ROR1: variants seen among roughly 807,000 people sequenced by gnomAD.
The protein encoded by ROR1 is inactive tyrosine-protein kinase transmembrane receptor ROR1.
In ROR1, 19 loss-of-function variants were observed where a neutral mutation model predicts 78.8. The ratio of observed to expected loss-of-function variants is 0.24; its 90% CI spans 0.17 to 0.35. The LOEUF is 0.35. ROR1 is among the 10% of genes least tolerant of loss of function. The pLI, the probability that ROR1 is intolerant of heterozygous loss-of-function variation, is 1.00. For missense variants in ROR1, 917 were observed against 1,177.8 expected (o/e 0.78, Z 3.24); for synonymous variants, 386 against 433.6 (o/e 0.89, Z 1.36).
At chr1:63,991,548 C>T (rs772938900) in intron 1 of ROR1, among the ~76,000 whole-genome samples, 4 of 152,196 alleles carry the variant, frequency 2.6e-5, no homozygotes, top group East Asian at 3.9e-4. Context: ...TACTTGGTGG[C>T]GTAGAAAAAT....
chr1:64,175,430 T>G (rs1312171217), intron 8 of ROR1, among the ~76,000 whole-genome samples: 2 of 152,166 alleles, frequency 1.3e-5, no homozygotes, highest in African/African-American at 4.8e-5. Context: ...TTTAATATAT[T>G]CTCTATAGGG....
chr1:64,085,109 C>A (rs1031713998), intron 4 of ROR1, among the ~76,000 whole-genome samples: 30 of 152,026 alleles, frequency 2.0e-4, no homozygotes, highest in African/African-American at 6.8e-4. Flanking sequence ...TTTTACAAAC[C>A]TCATAAAAAT....
chr1:63,876,310 T>C (rs996345291), intron 1 of ROR1, among the ~76,000 whole-genome samples: 2 of 152,128 alleles, frequency 1.3e-5, no homozygotes, highest in African/African-American at 4.8e-5. Flanking sequence ...TGTGACTGAT[T>C]TTCCTGGGAC....
intron 4 of ROR1, among the ~76,000 whole-genome samples, chr1:64,131,719 A>G (rs1648918706): frequency 6.6e-6 from 1 of 152,060 alleles, no homozygotes; most frequent in Non-Finnish European, 1.5e-5. Flanking sequence ...GACTCAAGCA[A>G]TCCTCCTGCC....
intron 1 of ROR1, among the ~76,000 whole-genome samples, chr1:63,900,664 A>T (rs1645478095): frequency 6.6e-6 from 1 of 152,090 alleles, no homozygotes; most frequent in Non-Finnish European, 1.5e-5. Flanking sequence ...AACCATAGAG[A>T]AAAAGACACA....
At chr1:63,938,612 C>T (rs1557572204) in intron 1 of ROR1, among the ~76,000 whole-genome samples, 2 of 152,272 alleles carry the variant, frequency 1.3e-5, no homozygotes, top group South Asian at 2.1e-4. Flanking sequence ...ATGAAATCTC[C>T]GTGAAGCCCA....
chr1:64,023,577 A>G (rs1254170723), intron 2 of ROR1, among the ~76,000 whole-genome samples: 1 of 152,188 alleles, frequency 6.6e-6, no homozygotes, highest in African/African-American at 2.4e-5. Flanking sequence ...GCAATATCTA[A>G]ACATATTTAT....
Position 63,796,985 on chromosome 1 carries a change from A to G in ROR1, c.91+22477A>G, listed in dbSNP as rs557665933. On this transcript the variant is annotated intron_variant, in intron 1 of 8. Coordinates refer to ENST00000371079, the MANE Select transcript of ROR1 (RefSeq NM_005012.4). Reference sequence around the variant, plus strand: ...GCTTTGATGAATTGAATAACAATTCATAGTGATTTTTTGATGTTCTATATT... The same window carrying G: ...GCTTTGATGAATTGAATAACAATTCGTAGTGATTTTTTGATGTTCTATATT... Among the ~76,000 whole-genome samples, 163 of 152,300 alleles carry G rather than the reference A, an allele frequency of 1.1e-3. 1 individual carries two copies. The highest frequency in any genetic ancestry group is 3.4e-3 in the African/African-American group (141 of 41,568).
At chr1:63,920,060 CCTGT>C (rs1269659772) in intron 1 of ROR1, among the ~76,000 whole-genome samples, 1 of 152,170 alleles carries the variant, frequency 6.6e-6, no homozygotes, top group Non-Finnish European at 1.5e-5. Flanking sequence ...TCTGTAATCT[CCTGT>C]CTTTCTTTTA....
At chr1:63,901,185 A>G (rs1012746514) in intron 1 of ROR1, among the ~76,000 whole-genome samples, 1 of 152,180 alleles carries the variant, frequency 6.6e-6, no homozygotes, top group Non-Finnish European at 1.5e-5. Flanking sequence ...GACATGGTGC[A>G]TGAGAACAGG....
At position 64,178,991 on chromosome 1, in the gene ROR1, T is replaced by C. The variant is rs1650475142; in HGVS notation, c.*136T>C. 5 of 561,186 alleles carry C rather than the reference T, an allele frequency of 8.9e-6. No individual in the cohort carries two copies. The South Asian group carries it at 1.1e-4, about 12-fold the overall frequency. The allele number at this position is 561,186 out of a possible 1,614,324, so 34.8% of individuals were successfully genotyped here. The stretch of plus-strand genomic sequence containing the variant: ...ACAAGTACCTTCTGTGAAGTTTCAC[T>C]GTGTCTTACCAAGCAGGACAGACAC... On this transcript the variant is annotated 3_prime_UTR_variant, in exon 9 of 9. Transcript: ENST00000371079. The surrounding 1 kb of genome is among the most constrained non-coding windows in gnomAD (Gnocchi z 4.3).
rs575298620 is a variant in ROR1, at chr1:63,774,874, G to A, written c.91+366G>A. On this transcript the variant is annotated intron_variant, in intron 1 of 8. Transcript: ENST00000371079. The surrounding 1 kb of genome is among the most constrained non-coding windows in gnomAD (Gnocchi z 5.7). ...CCTGGACCTCTAGCGCGCCCCAGCC[G>A]GTGTTCAGGCAAGTCTATCCTGCCC... 1.4e-3 allele frequency among the ~76,000 whole-genome samples: 212 copies of A among 152,208 alleles called. No homozygotes were observed. The highest frequency in any genetic ancestry group is 5.0e-3 in the African/African-American group (207 of 41,562).
intron 2 of ROR1, among the ~76,000 whole-genome samples, chr1:64,029,229 T>C (rs1189646586): frequency 6.6e-6 from 1 of 152,194 alleles, no homozygotes; most frequent in African/African-American, 2.4e-5. Context: ...ACCTTGCATA[T>C]ATTATCTCCT....
At chr1:63,975,103 G>A (rs562555469) in intron 1 of ROR1, among the ~76,000 whole-genome samples, 15 of 152,214 alleles carry the variant, frequency 9.9e-5, no homozygotes, top group African/African-American at 3.6e-4. Flanking sequence ...TAGGCAATTG[G>A]CCAGAACTGC....
chr1:63,939,738 G>A (rs933428263), intron 1 of ROR1, among the ~76,000 whole-genome samples: 10 of 152,134 alleles, frequency 6.6e-5, no homozygotes, highest in African/African-American at 2.2e-4. Context: ...AGATTAGAAA[G>A]AATGTCCTTG....
intron 1 of ROR1, 25 bp from the exon 2 acceptor site, chr1:64,009,280 T>A (rs1181591794): frequency 1.3e-6 from 2 of 1,560,050 alleles, no homozygotes; most frequent in Admixed American, 1.7e-5. Flanking sequence ...CTTGTCTTTC[T>A]CCCTTCCCTT....
intron 5 of ROR1, among the ~76,000 whole-genome samples, chr1:64,139,311 C>T (rs1053759296): frequency 6.6e-6 from 1 of 151,576 alleles, no homozygotes; most frequent in Non-Finnish European, 1.5e-5. Context: ...TTGTTTATCC[C>T]AGCGTTTCCC....
chr1:64,108,070 G>C (rs796135570), intron 4 of ROR1, among the ~76,000 whole-genome samples: 1 of 95,534 alleles, frequency 1.0e-5, no homozygotes, highest in Non-Finnish European at 2.4e-5. Context: ...TTGTGTGTGT[G>C]TGTGTGTGTG....
intron 1 of ROR1, among the ~76,000 whole-genome samples, chr1:63,777,112 C>CCTAT (rs1467063706): frequency 6.6e-6 from 1 of 152,162 alleles, no homozygotes; most frequent in East Asian, 1.9e-4. Flanking sequence ...CTACCCCCTC[C>CCTAT]CTATGCAAAG....
Sources: gnomAD v4.1 joint callset for allele counts (sites outside exome capture counted in the v4.1 genomes callset) on GRCh38, gnomAD v4.1.1 for gene constraint, Gnocchi (gnomAD v3.1) non-coding constraint, MANE v1.5 for transcripts, NCBI Gene and HGNC (gene_info 2026-07-23, HGNC 2026-07-21) for gene names.